Variants in KATNBL1 observed in about 807,000 individuals in gnomAD.
KATNBL1 encodes the protein KATNB1-like protein 1.
In KATNBL1, 28 loss-of-function variants were observed where a neutral mutation model predicts 44.7. That is an observed-to-expected ratio of 0.63 (90% CI 0.46 to 0.86). The LOEUF is 0.86. Ranked by LOEUF, KATNBL1 falls within the 40% of genes least tolerant of loss-of-function variation. KATNBL1 has a pLI of 0.00. For missense variants in KATNBL1, 272 were observed against 350.7 expected, an observed-to-expected ratio of 0.78 and a Z score of 1.79; for synonymous variants, 78 against 114.9, an observed-to-expected ratio of 0.68 and a Z score of 2.06.
chr15:34,163,956 G>T (rs113537561), intron 1 of KATNBL1, among the ~76,000 whole-genome samples: 3 of 151,330 alleles, frequency 2.0e-5, no homozygotes, highest in Non-Finnish European at 4.4e-5. Context: ...GCGATGGCAC[G>T]ATCTTGGCTC....
intron 9 of KATNBL1, among the ~76,000 whole-genome samples, chr15:34,143,252 G>C (rs1888205051): frequency 1.3e-5 from 2 of 150,148 alleles, no homozygotes; most frequent in Admixed American, 1.3e-4. Flanking sequence ...AGGTGGGTGG[G>C]TCACTTGAGG....
At chr15:34,167,150 A>G (rs914491553) in intron 1 of KATNBL1, among the ~76,000 whole-genome samples, 32 of 152,200 alleles carry the variant, frequency 2.1e-4, no homozygotes. Flanking sequence ...AAACTTCTCC[A>G]AGCTAAAGGA....
intron 5 of KATNBL1, 97 bp downstream of exon 5, chr15:34,148,535 C>A (rs1036663883): frequency 5.8e-6 from 4 of 688,646 alleles, no homozygotes; most frequent in Non-Finnish European, 7.8e-6. Context: ...CTGCAGTGAG[C>A]CATGATTGTG....
At chr15:34,205,203 A>G (rs1018157928) in intron 1 of KATNBL1, among the ~76,000 whole-genome samples, 7 of 152,264 alleles carry the variant, frequency 4.6e-5, no homozygotes, top group African/African-American at 1.7e-4. Flanking sequence ...TGTGTTGACC[A>G]GGATGGTCTC....
chr15:34,144,309 CCT>C (rs1888245405), intron 9 of KATNBL1, among the ~76,000 whole-genome samples: 1 of 151,832 alleles, frequency 6.6e-6, no homozygotes. Flanking sequence ...TTTGCCCAAG[CCT>C]CTGTTTCCCT....
At chr15:34,180,283 C>A (rs187810971) in intron 1 of KATNBL1, among the ~76,000 whole-genome samples, 1 of 149,644 alleles carries the variant, frequency 6.7e-6, no homozygotes, top group Non-Finnish European at 1.5e-5. Context: ...AAAAAAAATG[C>A]GTCTTGAATT....
Position 34,153,080 on chromosome 15 carries a change from A to G in KATNBL1, c.159-11T>C, listed in dbSNP as rs758975019. 1 of 1,565,080 alleles carries G rather than the reference A, an allele frequency of 6.4e-7. No individual in the cohort carries two copies. Among genetic ancestry groups the G allele is most frequent in the Non-Finnish European group, 8.6e-7 (1 of 1,157,424 alleles). ...GTTTGTCCAACTGTTCTGTAAAAAG[A>G]ATTTATTTTCTTAAATGAAAAAGAA... On this transcript the variant is annotated splice_polypyrimidine_tract_variant and intron_variant, in intron 3 of 9. Coordinates refer to ENST00000256544, the MANE Select transcript of KATNBL1 (RefSeq NM_024713.3).
chr15:34,196,332 C>T (rs747054080), intron 1 of KATNBL1, among the ~76,000 whole-genome samples: 10 of 152,128 alleles, frequency 6.6e-5, no homozygotes, highest in East Asian at 1.9e-4. Context: ...GCAGGAGAAT[C>T]GCGTGAACCC....
In KATNBL1 at chr15:34,181,640, A is replaced by C. The variant is rs992706401; in HGVS notation, c.-14-17950T>G. Among the ~76,000 whole-genome samples the C allele has an allele frequency of 5.1e-4, 62 of 121,594 alleles. 2 individuals carry two copies. The highest frequency in any genetic ancestry group is 1.8e-3 in the African/African-American group (60 of 33,194). 79.8% of individuals were successfully genotyped at this position (121,594 alleles called of 152,430 possible). A position where few individuals can be genotyped will look rare whatever the true frequency, so the allele number is the denominator to read the frequency against. ...TACACATATATATGTCCATATATAT[A>C]CACATATATATGTCCATATATATAT... On this transcript the variant is annotated intron_variant, in intron 1 of 9. Coordinates refer to ENST00000256544, the MANE Select transcript of KATNBL1 (RefSeq NM_024713.3).
chr15:34,207,951 G>A lies in KATNBL1; in HGVS notation c.-15+2000C>T, dbSNP rs140804044. ...TAAATCCTGCAATTGTTAGTTTTTCGCAGAAGCTTTACCCAGTTCAGTTCT... is the reference window on the plus strand; with the variant it reads ...TAAATCCTGCAATTGTTAGTTTTTCACAGAAGCTTTACCCAGTTCAGTTCT... On this transcript the variant is annotated intron_variant, in intron 1 of 9. Coordinates refer to ENST00000256544, the MANE Select transcript of KATNBL1 (RefSeq NM_024713.3). 7.1e-3 allele frequency among the ~76,000 whole-genome samples: 1,086 copies of A among 152,072 alleles called. 7 individuals carry two copies. Among genetic ancestry groups the A allele is most frequent in the Non-Finnish European group, 8.6e-3 (582 of 67,998 alleles).
At chr15:34,198,203 AAGGTAG>A (rs1240220251) in intron 1 of KATNBL1, 3 of 152,204 alleles carry the variant, frequency 2.0e-5, no homozygotes, top group African/African-American at 7.2e-5. Context: ...AAACCATTCT[AAGGTAG>A]AATTTTTGGT....
At chr15:34,196,019 A>C (rs1438057881) in intron 1 of KATNBL1, among the ~76,000 whole-genome samples, 2 of 152,232 alleles carry the variant, frequency 1.3e-5, no homozygotes, top group Admixed American at 6.5e-5. Flanking sequence ...TCAAAATAAT[A>C]AAAACTGGAA....
At chr15:34,149,833 A>C (rs1409212394) in intron 4 of KATNBL1, among the ~76,000 whole-genome samples, 1 of 152,240 alleles carries the variant, frequency 6.6e-6, no homozygotes, top group Non-Finnish European at 1.5e-5. Flanking sequence ...CAGGAGTTTG[A>C]GTCCAGCCTG....
intron 1 of KATNBL1, among the ~76,000 whole-genome samples, chr15:34,193,847 G>T (rs1346951928): frequency 7.1e-5 from 1 of 14,012 alleles, no homozygotes; most frequent in Non-Finnish European, 1.4e-4. Flanking sequence ...GAAAGGCCCT[G>T]TCTCAAAAAA....
chr15:34,184,070 G>A (rs558554973), intron 1 of KATNBL1, among the ~76,000 whole-genome samples: 3 of 152,262 alleles, frequency 2.0e-5, no homozygotes, highest in African/African-American at 7.2e-5. Context: ...TTGGGAGGCC[G>A]AGGCGGGTGG....
intron 1 of KATNBL1, chr15:34,209,297 G>T (rs1010693772): frequency 6.6e-6 from 1 of 152,044 alleles, no homozygotes; most frequent in Non-Finnish European, 1.5e-5. Flanking sequence ...AATCAGCAAA[G>T]AAACTGACAT....
At chr15:34,185,090 C>T (rs1889681831) in intron 1 of KATNBL1, among the ~76,000 whole-genome samples, 1 of 152,016 alleles carries the variant, frequency 6.6e-6, no homozygotes, top group Non-Finnish European at 1.5e-5. Flanking sequence ...CCACCTCACC[C>T]TCCCAAGTAG....
intron 1 of KATNBL1, among the ~76,000 whole-genome samples, chr15:34,171,268 G>A (rs995063653): frequency 1.8e-4 from 28 of 152,072 alleles, no homozygotes; most frequent in African/African-American, 6.5e-4. Flanking sequence ...ATCAAAACGT[G>A]GGCAAAGGAT....
chr15:34,198,896 C>T (rs988815568), intron 1 of KATNBL1, among the ~76,000 whole-genome samples: 3 of 152,196 alleles, frequency 2.0e-5, no homozygotes, highest in Non-Finnish European at 4.4e-5. Context: ...ATGATACATT[C>T]TGTTGACCTT....
Sources: allele counts gnomAD v4.1 joint callset (sites outside exome capture counted in the v4.1 genomes callset), GRCh38; gene constraint gnomAD v4.1.1; transcripts MANE v1.5; gene names NCBI Gene and HGNC (gene_info 2026-07-23, HGNC 2026-07-21).